ANKRD11: variants seen among roughly 807,000 people sequenced by gnomAD.
ANKRD11 encodes the protein ankyrin repeat domain-containing protein 11.
ANKRD11 carries 17 observed loss-of-function variants against 195.7 expected under a neutral mutation model. The observed-to-expected ratio is 0.09, with a 90% CI of 0.06 to 0.13. ANKRD11 has a LOEUF of 0.13. Among genes scored for constraint, ANKRD11 ranks in the 10% least tolerant of loss-of-function variants. The pLI is 1.00. For synonymous variants in ANKRD11, 1,953 were observed against 1,528.1 expected (o/e 1.28, Z -6.49); for missense variants, 3,735 against 3,566.1 (o/e 1.05, Z -1.21).
chr16:89,316,295 G>C (rs545984065), intron 3 of ANKRD11, among the ~76,000 whole-genome samples: 4 of 152,168 alleles, frequency 2.6e-5, no homozygotes, highest in Non-Finnish European at 5.9e-5. Flanking sequence ...ATCTGTCCAA[G>C]TTCACATTCG....
At chr16:89,450,392 T>A (rs2044016077) in intron 1 of ANKRD11, among the ~76,000 whole-genome samples, 1 of 152,138 alleles carries the variant, frequency 6.6e-6, no homozygotes, top group Admixed American at 6.5e-5. Context: ...AAGAACAGCT[T>A]TTACAGTGAC....
chr16:89,355,545 T>A (rs1359052973), intron 2 of ANKRD11, among the ~76,000 whole-genome samples: 1 of 152,046 alleles, frequency 6.6e-6, no homozygotes, highest in Non-Finnish European at 1.5e-5. Flanking sequence ...CTCTGAACGC[T>A]CTCTCTTCCA....
intron 1 of ANKRD11, chr16:89,431,137 G>A (rs1039997515): frequency 6.6e-6 from 1 of 152,124 alleles, no homozygotes; most frequent in Non-Finnish European, 1.5e-5. Flanking sequence ...CATAAAACCT[G>A]CCTCTTTGTT....
chr16:89,284,122 A>G lies in ANKRD11; in HGVS notation c.2420T>C (p.Val807Ala), dbSNP rs1340833720. ...EDKEKLKKEK[V>A]YREDSAFDEY... is the part of the protein sequence containing the mutation. The stretch of plus-strand genomic sequence containing the variant: ...GTCAAAAGCAGAATCTTCCCTATAA[A>G]CCTTTTCTTTTTTGAGTTTTTCTTT... Residue 807 changes from valine (V) to alanine (A), a missense_variant, in exon 9 of 13, where the codon GTT (valine) becomes GCT (alanine). Coordinates refer to ENST00000301030, the MANE Select transcript of ANKRD11 (RefSeq NM_013275.6). The G allele has an allele frequency of 5.0e-6, 8 of 1,608,784 alleles. No homozygotes were observed. Among genetic ancestry groups the G allele is most frequent in the Non-Finnish European group, 5.9e-6 (7 of 1,178,540 alleles).
chr16:89,334,913 G>C (rs535132252), intron 2 of ANKRD11, among the ~76,000 whole-genome samples: 1 of 152,114 alleles, frequency 6.6e-6, no homozygotes, highest in African/African-American at 2.4e-5. Flanking sequence ...CTGCATGCAT[G>C]AGGGCCCCAT....
chr16:89,378,505 C>T (rs912948816), intron 2 of ANKRD11, among the ~76,000 whole-genome samples: 5 of 152,120 alleles, frequency 3.3e-5, no homozygotes, highest in Admixed American at 2.6e-4. Flanking sequence ...ATAGCAAAAA[C>T]GTAGAGCTTT....
At position 89,291,230 on chromosome 16, in the gene ANKRD11, G is replaced by T. The variant is rs1597487743; in HGVS notation, c.227-47C>A. On this transcript the variant is annotated intron_variant, in intron 4 of 12. Transcript: ENST00000301030. This position sits in a 1 kb window ranked among gnomAD's most constrained non-coding sequence, Gnocchi z 5.3. ...GAGGGAGGAGAGATTTCATGCCATG[G>T]TGTCCTCCAAAGCTAGGTCCTTACC... 1 of 1,606,536 alleles carries T rather than the reference G, an allele frequency of 6.2e-7. No homozygotes were observed. Among genetic ancestry groups the T allele is most frequent in the East Asian group, 2.2e-5 (1 of 44,860 alleles).
rs138317433 is a variant in ANKRD11 at position 89,363,929 on chromosome 16, T to C, written c.-59-46851A>G. The stretch of plus-strand genomic sequence containing the variant: ...AAAAAATTACCCAGGTATGATGGCA[T>C]ACATGCCTGCAGTCCCAGCAACTCA... On this transcript the variant is annotated intron_variant, in intron 2 of 12. Transcript: ENST00000301030. 8.8e-3 allele frequency among the ~76,000 whole-genome samples: 1,342 copies of C among 152,166 alleles called. 10 individuals carry two copies. The highest frequency in any genetic ancestry group is 0.015 in the Non-Finnish European group (1,009 of 67,994).
chr16:89,342,611 T>C (rs940412193), intron 2 of ANKRD11, among the ~76,000 whole-genome samples: 4 of 152,208 alleles, frequency 2.6e-5, no homozygotes, highest in African/African-American at 9.7e-5. Flanking sequence ...TGAGGCATTA[T>C]ATGGAAAACT....
intron 1 of ANKRD11, among the ~76,000 whole-genome samples, chr16:89,426,758 T>C (rs919487975): frequency 9.2e-5 from 14 of 152,338 alleles, no homozygotes; most frequent in African/African-American, 3.4e-4. Context: ...AGCTCACTGT[T>C]GGCCTCACCA....
rs560515435 is a variant in ANKRD11, at chr16:89,332,041, C to T, written c.-59-14963G>A. ...GTGGCTGATGCCTCTAATCCCAGAACTTTGGGAGGCTGAGGTGGAAGGGAT... is the reference window on the plus strand; with the variant it reads ...GTGGCTGATGCCTCTAATCCCAGAATTTTGGGAGGCTGAGGTGGAAGGGAT... On this transcript the variant is annotated intron_variant, in intron 2 of 12. Coordinates refer to ENST00000301030, the MANE Select transcript of ANKRD11 (RefSeq NM_013275.6). Among the ~76,000 whole-genome samples, 35 of 152,080 alleles carry T rather than the reference C, an allele frequency of 2.3e-4. No homozygotes were observed. In the South Asian group the frequency reaches 7.1e-3, roughly 31 times the overall value.
At chr16:89,378,314 G>C (rs2040506428) in intron 2 of ANKRD11, among the ~76,000 whole-genome samples, 1 of 152,140 alleles carries the variant, frequency 6.6e-6, no homozygotes, top group African/African-American at 2.4e-5. Flanking sequence ...GGTTATATGT[G>C]GACTTGACTG....
intron 2 of ANKRD11, among the ~76,000 whole-genome samples, chr16:89,405,625 T>A (rs755465979): frequency 6.6e-6 from 1 of 151,746 alleles, no homozygotes; most frequent in Admixed American, 6.6e-5. Context: ...TGAGCCGCCA[T>A]GCCCGGCTTT....
At chr16:89,305,386 A>G in intron 3 of ANKRD11, 42 bp from the exon 4 acceptor site, 1 of 1,613,178 alleles carries the variant, frequency 6.2e-7, no homozygotes, top group South Asian at 1.1e-5. Flanking sequence ...TGTCCAAATT[A>G]CATTCTCAAG....
intron 2 of ANKRD11, among the ~76,000 whole-genome samples, chr16:89,318,609 C>T (rs536177855): frequency 6.6e-6 from 1 of 152,322 alleles, no homozygotes; most frequent in South Asian, 2.1e-4. Context: ...ACCTCCACCC[C>T]GTCAGCTAAA....
chr16:89,422,779 A>G (rs958774117), intron 1 of ANKRD11, among the ~76,000 whole-genome samples: 34 of 152,202 alleles, frequency 2.2e-4, no homozygotes, highest in African/African-American at 8.2e-4. Flanking sequence ...TTTTTATTAC[A>G]GTCTCCCTTT....
intron 2 of ANKRD11, among the ~76,000 whole-genome samples, chr16:89,342,279 A>ATC (rs2038727102): frequency 6.6e-6 from 1 of 152,278 alleles, no homozygotes; most frequent in Admixed American, 6.5e-5. Context: ...CTGCTGGTGA[A>ATC]TGAGAGCGGC....
At chr16:89,370,238 C>G (rs1567711296) in intron 2 of ANKRD11, among the ~76,000 whole-genome samples, 2 of 152,202 alleles carry the variant, frequency 1.3e-5, no homozygotes, top group Non-Finnish European at 2.9e-5. Flanking sequence ...GAGCCCATGT[C>G]CAGGGGTGGC....
chr16:89,329,638 G>A (rs909249561), intron 2 of ANKRD11, among the ~76,000 whole-genome samples: 1 of 152,066 alleles, frequency 6.6e-6, no homozygotes, highest in Non-Finnish European at 1.5e-5. Flanking sequence ...TAAAAAAACA[G>A]TATGAGGTAG....
Sources: allele counts gnomAD v4.1 joint callset (sites outside exome capture counted in the v4.1 genomes callset), GRCh38; gene constraint gnomAD v4.1.1; non-coding constraint Gnocchi (gnomAD v3.1); transcripts MANE v1.5; gene names NCBI Gene and HGNC (gene_info 2026-07-23, HGNC 2026-07-21).